Variants in ABLIM2 observed in about 807,000 individuals in gnomAD.
ABLIM2 encodes the protein actin binding LIM protein family member 2.
A neutral mutation model predicts 97.7 loss-of-function variants in ABLIM2; 53 were observed. That is an observed-to-expected ratio of 0.54 (90% confidence interval 0.44 to 0.68). The LOEUF is 0.68. Among genes scored for constraint, ABLIM2 ranks in the 30% least tolerant of loss-of-function variants. ABLIM2 has a pLI of 0.00. For missense variants in ABLIM2, 835 were observed against 867.2 expected (o/e 0.96, Z 0.47); for synonymous variants, 361 against 345.8 (o/e 1.04, Z -0.49).
At chr4:8,063,682 G>C (rs989234954) in intron 6 of ABLIM2, among the ~76,000 whole-genome samples, 1 of 152,256 alleles carries the variant, frequency 6.6e-6, no homozygotes, top group East Asian at 1.9e-4. Flanking sequence ...TCCTGGTACA[G>C]ATCTCAGGTC....
chr4:8,115,905 T>G (rs73218472), intron 1 of ABLIM2, among the ~76,000 whole-genome samples: 3,518 of 152,296 alleles, frequency 0.023, 60 homozygotes, highest in Middle Eastern at 0.058. Context: ...CCGGCGGCCA[T>G]GCTGGGACGA....
intron 1 of ABLIM2, among the ~76,000 whole-genome samples, chr4:8,111,203 G>A (rs1167286995): frequency 6.6e-6 from 1 of 152,254 alleles, no homozygotes; most frequent in African/African-American, 2.4e-5. Flanking sequence ...AAGGCATGGA[G>A]GGACCCTCAA....
rs142771232 is a variant in ABLIM2, at chr4:8,124,243, A to C, written c.11-17606T>G. On this transcript the variant is annotated intron_variant, in intron 1 of 20. Transcript: ENST00000447017. This position sits in a 1 kb window ranked among gnomAD's most constrained non-coding sequence, Gnocchi z 6.1. ...CTCTGCAGAAGTGCTCGGTGCACACATCTGAAAATCATAACTTCATTGAGA... is the reference window on the plus strand; with the variant it reads ...CTCTGCAGAAGTGCTCGGTGCACACCTCTGAAAATCATAACTTCATTGAGA... 6.5e-3 allele frequency among the ~76,000 whole-genome samples: 996 copies of C among 152,356 alleles called. 5 individuals carry two copies. Among genetic ancestry groups the C allele is most frequent in the Non-Finnish European group, 0.011 (744 of 68,040 alleles).
At chr4:8,094,644 C>G (rs775638838) in intron 3 of ABLIM2, among the ~76,000 whole-genome samples, 3 of 152,126 alleles carry the variant, frequency 2.0e-5, no homozygotes, top group Non-Finnish European at 4.4e-5. Flanking sequence ...ACTACCAGGC[C>G]CAGGGTGTGG....
chr4:8,028,695 G>A (rs372807671), intron 11 of ABLIM2, among the ~76,000 whole-genome samples: 14 of 151,546 alleles, frequency 9.2e-5, no homozygotes, highest in East Asian at 7.8e-4. Context: ...ACTTGGTCAC[G>A]CATTCCTTCA....
chr4:8,001,264 G>C lies in ABLIM2; in HGVS notation c.1618+6795C>G, dbSNP rs370442685. Among the ~76,000 whole-genome samples the C allele has an allele frequency of 3.9e-5, 6 of 152,164 alleles. No homozygotes were observed. The highest frequency in any genetic ancestry group is 1.4e-4 in the African/African-American group (6 of 41,454). On this transcript the variant is annotated intron_variant, in intron 16 of 20. Coordinates refer to ENST00000447017, the MANE Select transcript of ABLIM2 (RefSeq NM_001130083.2). The surrounding 1 kb of genome is among the most constrained non-coding windows in gnomAD (Gnocchi z 4.2). Reference sequence around the variant, plus strand: ...GGAGGCCCTGGGGCTGTGGCTATGAGACAACATGAGCTCTCAGAGGGACAC... The same window carrying C: ...GGAGGCCCTGGGGCTGTGGCTATGACACAACATGAGCTCTCAGAGGGACAC...
chr4:8,097,124 C>G lies in ABLIM2; in HGVS notation c.313G>C (p.Asp105His). 6.2e-7 allele frequency: 1 copy of G among 1,610,596 alleles called. No homozygotes were observed. Among genetic ancestry groups the G allele is most frequent in the Non-Finnish European group, 8.5e-7 (1 of 1,178,466 alleles). ...CGGCAGACGGCACACACGAAGCAGT[C>G]GGGGTGGTAGGTCTTGCCCAGCGCC... ...VSALGKTYHPDCFVCAVCRLP... is the reference protein window; with the variant it reads ...VSALGKTYHPHCFVCAVCRLP... The change falls in exon 3 of 21, where the codon GAC becomes CAC. Residue 105 changes from aspartate to histidine, a missense_variant. Transcript: ENST00000447017.
intron 2 of ABLIM2, among the ~76,000 whole-genome samples, chr4:8,100,294 C>T (rs1204584824): frequency 6.6e-6 from 1 of 152,180 alleles, no homozygotes; most frequent in Non-Finnish European, 1.5e-5. Context: ...TAAATAGATG[C>T]CTGGGCTTTA....
intron 14 of ABLIM2, among the ~76,000 whole-genome samples, chr4:8,013,065 G>T (rs978894633): frequency 1.3e-5 from 2 of 152,184 alleles, no homozygotes; most frequent in Admixed American, 1.3e-4. Flanking sequence ...CGAGGCAGAG[G>T]TGGATGAGAG....
chr4:8,059,574 G>C (rs1801527329), intron 7 of ABLIM2, among the ~76,000 whole-genome samples: 1 of 152,010 alleles, frequency 6.6e-6, no homozygotes, highest in Non-Finnish European at 1.5e-5. Context: ...CTTTGTTGTA[G>C]GGGATGCCGT....
chr4:8,009,136 C>T (rs1272864729), intron 14 of ABLIM2, 34 bp from the exon 15 acceptor site: 17 of 1,612,642 alleles, frequency 1.1e-5, no homozygotes, highest in Non-Finnish European at 1.3e-5. Flanking sequence ...AAAGGCCACA[C>T]ACCATTGCTT....
rs1744446241 is a variant in ABLIM2 at position 7,986,674 on chromosome 4, A to G, written c.1681-1781T>C. The stretch of plus-strand genomic sequence containing the variant: ...TTGCCTTCAGGGGTATTCACAAAGA[A>G]TTTCTTTTTTTTCTTTGAGACAGAG... On this transcript the variant is annotated intron_variant, in intron 17 of 20. Coordinates refer to ENST00000447017, the MANE Select transcript of ABLIM2 (RefSeq NM_001130083.2). This position sits in a 1 kb window ranked among gnomAD's most constrained non-coding sequence, Gnocchi z 4.3. Among the ~76,000 whole-genome samples, 1 of 151,972 alleles carries G rather than the reference A, an allele frequency of 6.6e-6. No individual in the cohort carries two copies. Among genetic ancestry groups the G allele is most frequent in the African/African-American group, 2.4e-5 (1 of 41,390 alleles).
At chr4:8,154,900 G>A (rs1348767851) in intron 1 of ABLIM2, among the ~76,000 whole-genome samples, 2 of 152,238 alleles carry the variant, frequency 1.3e-5, no homozygotes, top group Non-Finnish European at 2.9e-5. Context: ...GGCGGAAGAC[G>A]AAGGAGGGGC....
chr4:8,102,353 C>T (rs1242259510), intron 2 of ABLIM2, among the ~76,000 whole-genome samples: 2 of 152,222 alleles, frequency 1.3e-5, no homozygotes, highest in African/African-American at 2.4e-5. Flanking sequence ...CAGTTTGCAT[C>T]TTTCCTTCCC....
Position 8,057,731 on chromosome 4 carries a change from G to A in ABLIM2, c.763+3236C>T, listed in dbSNP as rs567602579. ...TTATGGGAAAGTCCGCGGCAGGAAC[G>A]GTGGTGGCATTGCGGGGGTTGGCCT... On this transcript the variant is annotated intron_variant, in intron 7 of 20. Transcript: ENST00000447017. Among the ~76,000 whole-genome samples the A allele has an allele frequency of 3.7e-4, 57 of 152,342 alleles. No individual in the cohort carries two copies. The South Asian group carries it at 0.012, about 32-fold the overall frequency.
chr4:8,109,107 GCCC>G (rs1839023711), intron 1 of ABLIM2, among the ~76,000 whole-genome samples: 1 of 152,222 alleles, frequency 6.6e-6, no homozygotes, highest in Non-Finnish European at 1.5e-5. Flanking sequence ...CGCGGCACTG[GCCC>G]CCCACCGCCT....
chr4:8,088,239 T>C lies in ABLIM2; in HGVS notation c.384A>G (p.Glu128=), dbSNP rs1488256641. ...PGDRVTFNGK[E]CMCQKCSLPV... is the part of the protein sequence containing the mutation. ...GCAGGGAACACTTCTGGCACATGCA[T>C]TCCTTCCCGTTGAAGGTCACTCGGT... The change falls in exon 4 of 21, where the codon GAA becomes GAG. Residue 128 remains glutamate (E), a synonymous_variant. Transcript: ENST00000447017. The C allele has an allele frequency of 6.8e-6, 11 of 1,612,252 alleles. No homozygotes were observed. Among genetic ancestry groups the C allele is most frequent in the Non-Finnish European group, 9.3e-6 (11 of 1,179,312 alleles).
At chr4:8,048,965 A>ACATTCAGTC (rs1192913701) in intron 8 of ABLIM2, among the ~76,000 whole-genome samples, 1 of 152,146 alleles carries the variant, frequency 6.6e-6, no homozygotes, top group Non-Finnish European at 1.5e-5. Context: ...CCTGAAACCC[A>ACATTCAGTC]CATTCAGTCC....
intron 6 of ABLIM2, among the ~76,000 whole-genome samples, chr4:8,077,273 C>G (rs866070864): frequency 2.6e-5 from 4 of 152,336 alleles, no homozygotes; most frequent in African/African-American, 4.8e-5. Context: ...CCCCGCTGTG[C>G]CTCCTATGGG....
Sources: allele counts gnomAD v4.1 joint callset (sites outside exome capture counted in the v4.1 genomes callset), GRCh38; gene constraint gnomAD v4.1.1; non-coding constraint Gnocchi (gnomAD v3.1); transcripts MANE v1.5; gene names NCBI Gene and HGNC (gene_info 2026-07-23, HGNC 2026-07-21).